ABCC4: variants seen among roughly 807,000 people sequenced by gnomAD.
ABCC4 encodes ATP-binding cassette sub-family C member 4.
A neutral mutation model predicts 168.5 loss-of-function variants in ABCC4; 102 were observed. That is an observed-to-expected ratio of 0.61 (90% CI 0.52 to 0.71). The LOEUF (loss-of-function observed/expected upper bound fraction) is 0.71. ABCC4 is among the 30% of genes least tolerant of loss of function. The probability of loss-of-function intolerance (pLI) is 0.00; values close to 1 mark genes in which losing one functional copy is unlikely to be tolerated. For missense variants in ABCC4, 1,402 were observed against 1,605.8 expected, an observed-to-expected ratio of 0.87 and a Z score of 2.17; for synonymous variants, 617 against 590.7, an observed-to-expected ratio of 1.04 and a Z score of -0.65.
At chr13:95,202,589 T>C (rs2038658865) in intron 8 of ABCC4, among the ~76,000 whole-genome samples, 1 of 151,288 alleles carries the variant, frequency 6.6e-6, no homozygotes, top group African/African-American at 2.4e-5. Context: ...GGCTGCCGCA[T>C]GGAAGTGAGA....
intron 8 of ABCC4, among the ~76,000 whole-genome samples, chr13:95,205,590 T>G (rs1454337823): frequency 6.6e-6 from 1 of 152,240 alleles, no homozygotes; most frequent in African/African-American, 2.4e-5. Context: ...GTGATATAAA[T>G]TATTTGCCCC....
intron 20 of ABCC4, among the ~76,000 whole-genome samples, chr13:95,112,921 G>A (rs1305502251): frequency 6.6e-6 from 1 of 152,140 alleles, no homozygotes; most frequent in African/African-American, 2.4e-5. Context: ...TTTTGCTAAG[G>A]ATGTTAAACA....
rs2039717592 is a variant in ABCC4 at position 95,234,745 on chromosome 13, G to T, written c.396C>A (p.Asn132Lys). 4 of 1,613,934 alleles carry T rather than the reference G, an allele frequency of 2.5e-6. No homozygotes were observed. Among genetic ancestry groups the T allele is most frequent in the Non-Finnish European group, 3.4e-6 (4 of 1,179,962 alleles). Reference protein sequence around the residue: ...NYDPMDSVALNTAYAYATVLT... With the variant: ...NYDPMDSVALKTAYAYATVLT... The stretch of plus-strand genomic sequence containing the variant: ...GCACCGTGGCATAGGCGTACGCTGT[G>T]TTCAAAGCCACAGAATCCATGGGAT... The change falls in exon 4 of 31, where the codon AAC becomes AAA. Residue 132 changes from asparagine to lysine, a missense_variant. Around this residue, in one of 3 missense-constraint regions of ABCC4, gnomAD observed 317 missense variants for 345.5 expected, o/e 0.92. Coordinates refer to ENST00000645237, the MANE Select transcript of ABCC4 (RefSeq NM_005845.5).
At chr13:95,163,813 A>G (rs977837520) in intron 16 of ABCC4, among the ~76,000 whole-genome samples, 166 bp from the exon 17 acceptor site, 14 of 152,028 alleles carry the variant, frequency 9.2e-5, no homozygotes, top group African/African-American at 3.1e-4. Flanking sequence ...CAGGCGGATC[A>G]ACTTAAGGCC....
chr13:95,171,961 T>A (rs925489056), intron 13 of ABCC4, among the ~76,000 whole-genome samples: 1 of 152,174 alleles, frequency 6.6e-6, no homozygotes, highest in Non-Finnish European at 1.5e-5. Flanking sequence ...ATATCAAGAT[T>A]GGCTGCCATT....
intron 1 of ABCC4, among the ~76,000 whole-genome samples, chr13:95,284,396 A>G (rs771398673): frequency 2.0e-5 from 3 of 152,006 alleles, no homozygotes; most frequent in Non-Finnish European, 4.4e-5. Context: ...ACCATGTTGC[A>G]CAGGCTGTTC....
Position 95,246,165 on chromosome 13 carries a change from TCTGG to T in ABCC4, c.306+806_306+809del, listed in dbSNP as rs1175210253. The stretch of plus-strand genomic sequence containing the variant: ...TCGGGGTAACAGAGGTTATTGCCCT[TCTGG>T]CTGTCTTTGATTTTTCATGGAATGT... On this transcript the variant is annotated intron_variant, in intron 3 of 30. Transcript: ENST00000645237. Among the ~76,000 whole-genome samples, 5 of 152,268 alleles carry T rather than the reference TCTGG, an allele frequency of 3.3e-5. No homozygotes were observed. In the South Asian group the frequency reaches 1.0e-3, roughly 32 times the overall value.
At chr13:95,232,591 C>G (rs559712072) in intron 4 of ABCC4, among the ~76,000 whole-genome samples, 3 of 151,782 alleles carry the variant, frequency 2.0e-5, no homozygotes, top group Middle Eastern at 3.4e-3. Flanking sequence ...GCAGAAGAAT[C>G]GCTTGAACCC....
intron 20 of ABCC4, among the ~76,000 whole-genome samples, chr13:95,090,879 A>T (rs1044759913): frequency 6.6e-6 from 1 of 152,202 alleles, no homozygotes; most frequent in Non-Finnish European, 1.5e-5. Context: ...AAATCCAACA[A>T]ATAATACAAG....
intron 9 of ABCC4, among the ~76,000 whole-genome samples, chr13:95,191,085 A>C (rs1594268289): frequency 6.6e-6 from 1 of 152,166 alleles, no homozygotes; most frequent in East Asian, 1.9e-4. Context: ...ACCTAAAGAC[A>C]CTGAGCTGGC....
intron 19 of ABCC4, among the ~76,000 whole-genome samples, chr13:95,136,557 G>A (rs1486540802): frequency 6.6e-6 from 1 of 152,228 alleles, no homozygotes; most frequent in African/African-American, 2.4e-5. Context: ...AGTAGTGACA[G>A]GAGCCTAAGT....
At position 95,021,397 on chromosome 13, in the gene ABCC4, AT is replaced by A. The variant is rs2031077675; in HGVS notation, c.*177del. On this transcript the variant is annotated 3_prime_UTR_variant, in exon 31 of 31. Coordinates refer to ENST00000645237, the MANE Select transcript of ABCC4 (RefSeq NM_005845.5). ...AACAACTATTGACATTTAAATAAAA[AT>A]AAACCATTTTGTTAGAGCTGGAGAT... 1.8e-6 allele frequency: 1 copy of A among 542,246 alleles called. No individual in the cohort carries two copies. The highest frequency in any genetic ancestry group is 3.3e-6 in the Non-Finnish European group (1 of 307,180). 33.6% of individuals were successfully genotyped at this position (542,246 alleles called of 1,614,324 possible). A position where few individuals can be genotyped will look rare whatever the true frequency, so the allele number is the denominator to read the frequency against.
chr13:95,192,896 G>C (rs2038301603), intron 9 of ABCC4, among the ~76,000 whole-genome samples: 1 of 152,158 alleles, frequency 6.6e-6, no homozygotes, highest in Non-Finnish European at 1.5e-5. Flanking sequence ...TCCAGCCTAG[G>C]CAAAAGAGCA....
At chr13:95,133,362 C>T (rs1212196970) in intron 19 of ABCC4, among the ~76,000 whole-genome samples, 2 of 152,046 alleles carry the variant, frequency 1.3e-5, no homozygotes, top group Non-Finnish European at 2.9e-5. Context: ...GATCTGCCTG[C>T]CCTGACCTCC....
intron 20 of ABCC4, among the ~76,000 whole-genome samples, chr13:95,086,087 T>TTG (rs55973195): frequency 0.054 from 7,624 of 142,028 alleles, 562 homozygotes; most frequent in African/African-American, 0.17. Context: ...TTTAAGGTTA[T>TTG]TGTGTGTGTG....
chr13:95,233,176 TTAAA>T lies in ABCC4; in HGVS notation c.531+1430_531+1433del, dbSNP rs751847489. 1.4e-4 allele frequency among the ~76,000 whole-genome samples: 21 copies of T among 152,270 alleles called. No individual in the cohort carries two copies. The East Asian group carries it at 3.3e-3, about 24-fold the overall frequency. ...ATAATGTACAATTTACAATGTGCAA[TTAAA>T]TAATGTACACTTTACAATGTACATT... On this transcript the variant is annotated intron_variant, in intron 4 of 30. Transcript: ENST00000645237.
chr13:95,216,965 TCTAA>T (rs2039131584), intron 4 of ABCC4, among the ~76,000 whole-genome samples: 2 of 152,172 alleles, frequency 1.3e-5, no homozygotes, highest in South Asian at 2.1e-4. Context: ...CTAGAAGACA[TCTAA>T]CTATCTAATT....
intron 20 of ABCC4, among the ~76,000 whole-genome samples, chr13:95,102,192 TG>T (rs2034833175): frequency 6.6e-6 from 1 of 152,206 alleles, no homozygotes; most frequent in African/African-American, 2.4e-5. Context: ...TTGCTCAGGC[TG>T]GAGTGCAGTA....
At chr13:95,053,810 C>G (rs2032939240) in intron 26 of ABCC4, 1 of 152,578 alleles carries the variant, frequency 6.6e-6, no homozygotes, top group Non-Finnish European at 1.5e-5. Context: ...AACCCTGTCT[C>G]TACTAAAAAT....
Sources: allele counts gnomAD v4.1 joint callset (sites outside exome capture counted in the v4.1 genomes callset), GRCh38; gene constraint gnomAD v4.1.1; regional missense constraint gnomAD v4.1.1; transcripts MANE v1.5; gene names NCBI Gene and HGNC (gene_info 2026-07-23, HGNC 2026-07-21).